The following SHKBP1 variants were observed in gnomAD, a reference collection of about 807,000 sequenced individuals.
SHKBP1 encodes the protein SH3KBP1-binding protein 1.
A neutral mutation model predicts 83.9 loss-of-function variants in SHKBP1; 71 were observed. The ratio of observed to expected loss-of-function variants is 0.85; its 90% CI spans 0.70 to 1.03. The LOEUF is 1.03. Among genes scored for constraint, SHKBP1 ranks in the 50% least tolerant of loss-of-function variants. SHKBP1 has a pLI of 0.00. For synonymous variants in SHKBP1, 371 were observed against 398.0 expected (o/e 0.93, Z 0.81); for missense variants, 824 against 982.4 (o/e 0.84, Z 2.16).
At chr19:40,580,996 T>C in intron 9 of SHKBP1, 60 bp downstream of exon 9, 2 of 1,450,986 alleles carry the variant, frequency 1.4e-6, no homozygotes, top group Non-Finnish European at 1.8e-6. Flanking sequence ...CCTGTTAAAA[T>C]GACCCACCCC....
In SHKBP1 at chr19:40,590,414, A is replaced by G. The variant is rs1342608262; in HGVS notation, c.1760A>G (p.Gln587Arg). The G allele has an allele frequency of 8.7e-6, 14 of 1,605,568 alleles. No individual in the cohort carries two copies. Among genetic ancestry groups the G allele is most frequent in the Non-Finnish European group, 1.2e-5 (14 of 1,176,088 alleles). Residue 587 changes from glutamine (Q) to arginine (R), a missense_variant, in exon 16 of 18, where the codon CAG becomes CGG. By Grantham distance (43) the Gln-to-Arg change is conservative. Coordinates refer to ENST00000291842, the MANE Select transcript of SHKBP1 (RefSeq NM_138392.4). The surrounding 1 kb of genome is among the most constrained non-coding windows in gnomAD (Gnocchi z 4.6). ...DLTTAMDGLG[Q>R]APAGGLTEQE... ...ACCACCGCCATGGACGGCCTCGGCC[A>G]GGCCCCTGGTACTCCCTGCCCCACC...
intron 13 of SHKBP1, among the ~76,000 whole-genome samples, chr19:40,587,302 A>G (rs2081320515): frequency 6.6e-6 from 1 of 152,152 alleles, no homozygotes; most frequent in Admixed American, 6.5e-5. Context: ...AAAAATGGAC[A>G]TCAATGGCCA....
rs1446876998 is a variant in SHKBP1 at position 40,577,557 on chromosome 19, A to G, written c.187A>G (p.Ile63Val). 5 of 1,613,798 alleles carry G rather than the reference A, an allele frequency of 3.1e-6. No individual in the cohort carries two copies. The highest frequency in any genetic ancestry group is 3.4e-6 in the Non-Finnish European group (4 of 1,179,978). Reference protein sequence around the residue: ...ISTLKDETGAIFIDRDPTVFA... With the variant: ...ISTLKDETGAVFIDRDPTVFA... The stretch of plus-strand genomic sequence containing the variant: ...CATCCTCTGCCCCCCTTTCCCGCAG[A>G]TCTTCATCGACAGGGACCCTACAGT... Residue 63 changes from isoleucine to valine, a missense_variant and splice_region_variant, in exon 4 of 18, where the codon ATC (isoleucine) becomes GTC (valine). Physicochemically the swap from Ile to Val is conservative, Grantham distance 29. This residue lies in a region of SHKBP1 where 355 missense variants were observed against 386.4 expected (regional missense o/e 0.92). Coordinates refer to ENST00000291842, the MANE Select transcript of SHKBP1 (RefSeq NM_138392.4).
At chr19:40,589,948 C>T (rs926509062) in intron 15 of SHKBP1, among the ~76,000 whole-genome samples, 14 of 151,828 alleles carry the variant, frequency 9.2e-5, no homozygotes, top group Admixed American at 1.3e-4. Context: ...AGGCCAGGAG[C>T]CCAGGGAGGA....
At chr19:40,583,361 G>A in intron 10 of SHKBP1, 37 bp from the exon 11 acceptor site, 1 of 1,515,518 alleles carries the variant, frequency 6.6e-7, no homozygotes, top group Non-Finnish European at 8.9e-7. Context: ...AGGAATGGAA[G>A]GGCTCCCGGC....
rs759063177 is a variant in SHKBP1, at chr19:40,590,457, C to T, written c.1768+35C>T. 6.4e-7 allele frequency: 1 copy of T among 1,572,782 alleles called. No homozygotes were observed. The highest frequency in any genetic ancestry group is 1.2e-5 in the South Asian group (1 of 84,556). On this transcript the variant is annotated intron_variant, in intron 16 of 17. Transcript: ENST00000291842. The surrounding 1 kb of genome is among the most constrained non-coding windows in gnomAD (Gnocchi z 4.6). ...GCCCCACCCCAATCCCGTCCCAAGCCCCACAGCCTCACCCAGAACCACTCT... is the reference window on the plus strand; with the variant it reads ...GCCCCACCCCAATCCCGTCCCAAGCTCCACAGCCTCACCCAGAACCACTCT...
Position 40,590,410 on chromosome 19 carries a change from G to C in SHKBP1, c.1756G>C (p.Gly586Arg), listed in dbSNP as rs780274261. 3 of 1,606,906 alleles carry C rather than the reference G, an allele frequency of 1.9e-6. No homozygotes were observed. Among genetic ancestry groups the C allele is most frequent in the South Asian group, 1.1e-5 (1 of 90,256 alleles). ...WDLTTAMDGLGQAPAGGLTEQ... is the reference protein window; with the variant it reads ...WDLTTAMDGLRQAPAGGLTEQ... Reference sequence around the variant, plus strand: ...CCTAACCACCGCCATGGACGGCCTCGGCCAGGCCCCTGGTACTCCCTGCCC... The same window carrying C: ...CCTAACCACCGCCATGGACGGCCTCCGCCAGGCCCCTGGTACTCCCTGCCC... Residue 586 changes from glycine (G) to arginine (R), a missense_variant, in exon 16 of 18, where the codon GGC becomes CGC. This residue lies in a region of SHKBP1 where 287 missense variants were observed against 322.9 expected (regional missense o/e 0.89). Transcript: ENST00000291842. The surrounding 1 kb of genome is among the most constrained non-coding windows in gnomAD (Gnocchi z 4.6).
intron 12 of SHKBP1, among the ~76,000 whole-genome samples, chr19:40,586,038 G>T (rs2056547948): frequency 1.3e-5 from 2 of 151,872 alleles, no homozygotes; most frequent in South Asian, 4.2e-4. Flanking sequence ...TTGAGTAGCT[G>T]GGATCATAGG....
intron 9 of SHKBP1, among the ~76,000 whole-genome samples, chr19:40,581,537 A>AAAC (rs1414426001): frequency 1.3e-5 from 2 of 150,392 alleles, no homozygotes; most frequent in Non-Finnish European, 3.0e-5. Flanking sequence ...AAAAAAAAAA[A>AAAC]AACAAAAAAA....
intron 6 of SHKBP1, among the ~76,000 whole-genome samples, chr19:40,579,053 T>C (rs1239026473): frequency 6.6e-6 from 1 of 152,164 alleles, no homozygotes; most frequent in African/African-American, 2.4e-5. Flanking sequence ...AGATCTGTAG[T>C]AGTACTTTTC....
intron 10 of SHKBP1, 100 bp downstream of exon 10, chr19:40,582,566 C>T: frequency 1.0e-6 from 1 of 980,286 alleles, no homozygotes; most frequent in South Asian, 1.5e-5. Flanking sequence ...CCCCCTAAGC[C>T]TGGAGGAAGC....
intron 9 of SHKBP1, among the ~76,000 whole-genome samples, chr19:40,581,523 C>CA (rs373552328): frequency 0.013 from 835 of 63,620 alleles, 7 homozygotes; most frequent in African/African-American, 0.038. Flanking sequence ...GACACCATCT[C>CA]AAAAAAAAAA....
intron 4 of SHKBP1, chr19:40,577,851 G>A: frequency 1.6e-6 from 1 of 632,642 alleles, no homozygotes; most frequent in Non-Finnish European, 2.8e-6. Context: ...AGACTAGCCT[G>A]GGCAACATAG....
chr19:40,577,509 T>C (rs1416296716), intron 3 of SHKBP1, 48 bp from the exon 4 acceptor site: 1 of 1,612,576 alleles, frequency 6.2e-7, no homozygotes, highest in Non-Finnish European at 8.5e-7. Flanking sequence ...AGGACCCCAC[T>C]CAGTCCTGCC....
At chr19:40,577,799 T>G (rs1025776643) in intron 4 of SHKBP1, 169 bp downstream of exon 4, 8 of 807,580 alleles carry the variant, frequency 9.9e-6, no homozygotes, top group Non-Finnish European at 1.6e-5. Flanking sequence ...CCCAACACTT[T>G]GGGAGGCCGA....
intron 12 of SHKBP1, 109 bp from the exon 13 acceptor site, chr19:40,586,665 C>T (rs2081314605): frequency 1.2e-5 from 14 of 1,156,520 alleles, no homozygotes; most frequent in Admixed American, 3.0e-5. Flanking sequence ...CGTGCCCGGC[C>T]TCTCCTTGCT....
Position 40,577,389 on chromosome 19 carries a change from C to T in SHKBP1, c.141-7C>T. On this transcript the variant is annotated splice_polypyrimidine_tract_variant and splice_region_variant and intron_variant, in intron 2 of 17. Transcript: ENST00000291842. ...CGTGACGCCTGCTCGGTGTCCCTTC[C>T]CTGCAGTCTTCTGAGCGGACGCATC... is the stretch of plus-strand genomic sequence containing the variant. 6.2e-7 allele frequency: 1 copy of T among 1,614,060 alleles called. No homozygotes were observed. Among genetic ancestry groups the T allele is most frequent in the Non-Finnish European group, 8.5e-7 (1 of 1,180,004 alleles).
At chr19:40,587,984 GA>G (rs980775092) in intron 13 of SHKBP1, among the ~76,000 whole-genome samples, 30 of 152,258 alleles carry the variant, frequency 2.0e-4, no homozygotes, top group African/African-American at 7.2e-4. Context: ...TGTGTGGCTA[GA>G]GAGTGTCAAG....
In SHKBP1 at chr19:40,583,595, C is replaced by T. The variant is rs375091891; in HGVS notation, c.1049-6C>T. 2.5e-6 allele frequency: 4 copies of T among 1,609,786 alleles called. No homozygotes were observed. The Admixed American group carries it at 5.0e-5, about 20-fold the overall frequency. ...AAACCCGCTCCACCCTCCCTGCCCA[C>T]CCCAGATGTGCAGAAGTTCCCCTTG... On this transcript the variant is annotated splice_region_variant and splice_polypyrimidine_tract_variant and intron_variant, in intron 11 of 17. Coordinates refer to ENST00000291842, the MANE Select transcript of SHKBP1 (RefSeq NM_138392.4).
Sources: allele counts gnomAD v4.1 joint callset (sites outside exome capture counted in the v4.1 genomes callset), GRCh38; gene constraint gnomAD v4.1.1; regional missense constraint gnomAD v4.1.1; non-coding constraint Gnocchi (gnomAD v3.1); transcripts MANE v1.5; gene names NCBI Gene and HGNC (gene_info 2026-07-23, HGNC 2026-07-21).